KALRN: variants seen among roughly 807,000 people sequenced by gnomAD.
KALRN encodes the protein kalirin.
KALRN carries 70 observed loss-of-function variants against 353.7 expected under a neutral mutation model. The observed-to-expected ratio is 0.20, with a 90% CI of 0.16 to 0.24. KALRN has a LOEUF of 0.24. Among genes scored for constraint, KALRN ranks in the 10% least tolerant of loss-of-function variants. The pLI, the probability that KALRN is intolerant of heterozygous loss-of-function variation, is 1.00. For missense variants in KALRN, 2,791 were observed against 3,756.7 expected, an observed-to-expected ratio of 0.74 and a Z score of 6.72; for synonymous variants, 1,391 against 1,434.8, an observed-to-expected ratio of 0.97 and a Z score of 0.69.
intron 34 of KALRN, among the ~76,000 whole-genome samples, chr3:124,567,096 T>C (rs1305061634): frequency 6.6e-6 from 1 of 152,340 alleles, no homozygotes; most frequent in East Asian, 1.9e-4. Flanking sequence ...GAGAATCATC[T>C]GGGAGCTTTT....
chr3:124,406,423 A>G (rs2091546675), intron 13 of KALRN, among the ~76,000 whole-genome samples: 1 of 152,202 alleles, frequency 6.6e-6, no homozygotes, highest in South Asian at 2.1e-4. Context: ...ATTATAGATA[A>G]AATAGATCTT....
chr3:124,225,172 C>A (rs949103610), intron 1 of KALRN, among the ~76,000 whole-genome samples: 8 of 152,104 alleles, frequency 5.3e-5, no homozygotes, highest in African/African-American at 1.7e-4. Flanking sequence ...TTAGTCAGTG[C>A]AAATAGGTTT....
chr3:124,477,013 T>C (rs977491747), intron 26 of KALRN, among the ~76,000 whole-genome samples: 12 of 152,182 alleles, frequency 7.9e-5, no homozygotes, highest in Non-Finnish European at 1.6e-4. Context: ...CAAACTATTA[T>C]TAAAAGGAGC....
intron 47 of KALRN, among the ~76,000 whole-genome samples, chr3:124,671,431 C>T (rs867816340): frequency 2.0e-5 from 3 of 152,174 alleles, no homozygotes; most frequent in African/African-American, 7.2e-5. Context: ...TATTACAGAG[C>T]CTTCTCTCTC....
intron 5 of KALRN, among the ~76,000 whole-genome samples, chr3:124,294,085 T>G (rs1011565836): frequency 6.6e-6 from 1 of 151,858 alleles, no homozygotes; most frequent in Non-Finnish European, 1.5e-5. Context: ...AGGCTAGATA[T>G]TGACAGGGAA....
chr3:124,191,235 T>G (rs878945272), intron 1 of KALRN, among the ~76,000 whole-genome samples: 1 of 151,826 alleles, frequency 6.6e-6, no homozygotes, highest in African/African-American at 2.4e-5. Flanking sequence ...TTTTATGGAG[T>G]CTTCATTGTA....
intron 1 of KALRN, among the ~76,000 whole-genome samples, chr3:124,090,026 C>T (rs1424718814): frequency 1.3e-5 from 2 of 152,096 alleles, no homozygotes; most frequent in Admixed American, 6.5e-5. Context: ...TTTCACAGGA[C>T]CTAGTGGAGA....
chr3:124,186,833 C>T (rs923212599), intron 1 of KALRN, among the ~76,000 whole-genome samples: 7 of 152,176 alleles, frequency 4.6e-5, no homozygotes, highest in Non-Finnish European at 1.0e-4. Flanking sequence ...CTCATCAGTC[C>T]TCCAAGCCTG....
chr3:124,597,784 A>C (rs1443589025), intron 34 of KALRN, among the ~76,000 whole-genome samples: 1 of 138,842 alleles, frequency 7.2e-6, no homozygotes, highest in Non-Finnish European at 1.6e-5. Context: ...ATGAAATATG[A>C]GATTAAAAAA....
intron 6 of KALRN, among the ~76,000 whole-genome samples, chr3:124,309,667 G>GA (rs574519144): frequency 1.5e-4 from 22 of 147,922 alleles, no homozygotes; most frequent in African/African-American, 2.8e-4. Flanking sequence ...ACTTCAGTAG[G>GA]AAAAAAAAAA....
intron 33 of KALRN, among the ~76,000 whole-genome samples, chr3:124,512,238 C>T (rs2065989633): frequency 6.6e-6 from 1 of 152,234 alleles, no homozygotes; most frequent in African/African-American, 2.4e-5. Context: ...AAGTCGGGTC[C>T]TCCACAAGCT....
chr3:124,094,772 G>C (rs1485843856), intron 1 of KALRN: 1 of 1,388,574 alleles, frequency 7.2e-7, no homozygotes, highest in Non-Finnish European at 1.0e-6. Context: ...CGGCCTCCTC[G>C]AGTCAGCGGT....
intron 25 of KALRN, among the ~76,000 whole-genome samples, chr3:124,464,909 T>C (rs1577147862): frequency 6.7e-6 from 1 of 149,684 alleles, no homozygotes; most frequent in Non-Finnish European, 1.5e-5. Context: ...TCAGTATTGG[T>C]GCAAACCATT....
chr3:124,295,755 G>T (rs1171313214), intron 5 of KALRN, among the ~76,000 whole-genome samples: 2 of 152,128 alleles, frequency 1.3e-5, no homozygotes, highest in Non-Finnish European at 2.9e-5. Context: ...ATAAAGAAAA[G>T]AAATGAGAAA....
chr3:124,718,299 T>G (rs922853796), intron 59 of KALRN, among the ~76,000 whole-genome samples: 3 of 151,836 alleles, frequency 2.0e-5, no homozygotes, highest in African/African-American at 7.3e-5. Context: ...TTTTTTGTAT[T>G]TTTAGTAGAG....
At chr3:124,349,789 TAG>T (rs1206325283) in intron 10 of KALRN, among the ~76,000 whole-genome samples, 1 of 152,144 alleles carries the variant, frequency 6.6e-6, no homozygotes, top group Non-Finnish European at 1.5e-5. Context: ...GCCAATGTAA[TAG>T]ACACAGGTCC....
rs2150861889 is a variant in KALRN at position 124,721,837 on chromosome 3, A to T, written c.*2367A>T. 6.6e-6 allele frequency: 1 copy of T among 152,408 alleles called. No individual in the cohort carries two copies. The highest frequency in any genetic ancestry group is 6.5e-5 in the Admixed American group (1 of 15,300). 9.4% of individuals were successfully genotyped at this position (152,408 alleles called of 1,614,324 possible). ...TCTGGGCGTAGTGGCGGGCACTCGT[A>T]ATCCCAGCGACTTGGGAGGCTGAGG... On this transcript the variant is annotated 3_prime_UTR_variant, in exon 60 of 60. Coordinates refer to ENST00000682506, the MANE Select transcript of KALRN (RefSeq NM_001388419.1).
intron 1 of KALRN, among the ~76,000 whole-genome samples, chr3:124,073,629 A>G (rs2060124493): frequency 6.6e-6 from 1 of 152,204 alleles, no homozygotes; most frequent in Non-Finnish European, 1.5e-5. Flanking sequence ...ACTAGCTAAT[A>G]TCAATGGATT....
intron 33 of KALRN, among the ~76,000 whole-genome samples, chr3:124,539,465 G>A (rs1441001058): frequency 6.6e-6 from 1 of 152,172 alleles, no homozygotes; most frequent in Non-Finnish European, 1.5e-5. Context: ...CTTTTGCACA[G>A]CTGAGCACCC....
Sources: gnomAD v4.1 joint callset for allele counts (sites outside exome capture counted in the v4.1 genomes callset) on GRCh38, gnomAD v4.1.1 for gene constraint, MANE v1.5 for transcripts, NCBI Gene and HGNC (gene_info 2026-07-23, HGNC 2026-07-21) for gene names.